Variants in GCG observed in about 807,000 individuals in gnomAD.
GCG encodes pro-glucagon.
Under a neutral mutation model 22.8 loss-of-function variants are expected in GCG, and 11 were observed. The ratio of observed to expected loss-of-function variants is 0.48; its 90% CI spans 0.30 to 0.80. GCG has a LOEUF of 0.80. GCG is among the 30% of genes least tolerant of loss of function. The pLI, the probability that GCG is intolerant of heterozygous loss-of-function variation, is 0.06. For synonymous variants in GCG, 89 were observed against 72.4 expected, an observed-to-expected ratio of 1.23 and a Z score of -1.16; for missense variants, 222 against 222.0, an observed-to-expected ratio of 1.00 and a Z score of 0.00.
chr2:162,146,569 T>TCC (rs1383804326), intron 3 of GCG, among the ~76,000 whole-genome samples: 2 of 134,574 alleles, frequency 1.5e-5, no homozygotes, highest in Admixed American at 7.0e-5. Flanking sequence ...TCTCTCTCTC[T>TCC]CTCTCCTTTC....
At chr2:162,151,308 A>G (rs1301833102) in intron 1 of GCG, among the ~76,000 whole-genome samples, 1 of 152,118 alleles carries the variant, frequency 6.6e-6, no homozygotes, top group African/African-American at 2.4e-5. Context: ...TAGTCCATAT[A>G]AATCCTTTTT....
chr2:162,150,476 A>C (rs544694622), intron 1 of GCG, among the ~76,000 whole-genome samples: 34 of 152,228 alleles, frequency 2.2e-4, no homozygotes, highest in Non-Finnish European at 4.1e-4. Flanking sequence ...TTTTTTGTAC[A>C]TTGAATGGAT....
At chr2:162,145,104 C>T (rs547562575) in intron 4 of GCG, 1 of 152,230 alleles carries the variant, frequency 6.6e-6, no homozygotes, top group Admixed American at 6.5e-5. Context: ...ATGTTGATCA[C>T]ATATGTAAAT....
intron 2 of GCG, among the ~76,000 whole-genome samples, chr2:162,148,773 G>A (rs1686759170): frequency 1.3e-5 from 2 of 152,094 alleles, no homozygotes; most frequent in South Asian, 2.1e-4. Flanking sequence ...AAGAGTTGGT[G>A]CGAATAATTG....
chr2:162,150,896 A>G (rs1436965967), intron 1 of GCG, among the ~76,000 whole-genome samples: 1 of 152,104 alleles, frequency 6.6e-6, no homozygotes, highest in Admixed American at 6.6e-5. Context: ...CATAAACCAC[A>G]TAAAGAAGTG....
intron 3 of GCG, 79 bp from the exon 4 acceptor site, chr2:162,145,756 G>A (rs953684370): frequency 3.2e-6 from 4 of 1,234,604 alleles, no homozygotes; most frequent in African/African-American, 1.5e-5. Context: ...TGGCAACTTT[G>A]GGTTCAGGAT....
intron 1 of GCG, among the ~76,000 whole-genome samples, chr2:162,150,726 G>C (rs746934642): frequency 6.6e-6 from 1 of 151,910 alleles, no homozygotes; most frequent in Non-Finnish European, 1.5e-5. Flanking sequence ...CTGTTGAAAA[G>C]TTTCTTGTAA....
intron 2 of GCG, among the ~76,000 whole-genome samples, chr2:162,148,155 G>A (rs1686740993): frequency 6.6e-6 from 1 of 152,140 alleles, no homozygotes; most frequent in Admixed American, 6.6e-5. Context: ...AGCAAAGCTT[G>A]AATGCTGAGG....
intron 1 of GCG, among the ~76,000 whole-genome samples, chr2:162,151,676 A>C (rs1686840958): frequency 1.3e-5 from 2 of 152,288 alleles, no homozygotes; most frequent in South Asian, 4.1e-4. Flanking sequence ...AATATTTGAA[A>C]GATGTTATTT....
intron 3 of GCG, among the ~76,000 whole-genome samples, chr2:162,145,983 A>G (rs1233748659): frequency 6.6e-6 from 1 of 152,162 alleles, no homozygotes; most frequent in Non-Finnish European, 1.5e-5. Flanking sequence ...TTCAGTCTCA[A>G]TGGATACAGG....
intron 4 of GCG, chr2:162,144,688 T>C (rs1686637476): frequency 1.3e-5 from 2 of 152,322 alleles, no homozygotes; most frequent in African/African-American, 4.8e-5. Flanking sequence ...AGTTTAATTA[T>C]TAATGTTTTA....
chr2:162,143,484 T>C, intron 5 of GCG, 114 bp from the exon 6 acceptor site: 1 of 500,930 alleles, frequency 2.0e-6, no homozygotes, highest in Non-Finnish European at 3.6e-6. Context: ...ATTAATCCCT[T>C]TGTCCATAAA....
intron 1 of GCG, among the ~76,000 whole-genome samples, chr2:162,151,042 A>C (rs1054340420): frequency 6.6e-6 from 1 of 152,130 alleles, no homozygotes; most frequent in Non-Finnish European, 1.5e-5. Flanking sequence ...TAATTGTTTG[A>C]ATACAATTGC....
chr2:162,147,592 A>C (rs1686722648), intron 2 of GCG, 78 bp from the exon 3 acceptor site: 3 of 1,211,460 alleles, frequency 2.5e-6, no homozygotes, highest in Non-Finnish European at 2.5e-6. Context: ...TCACTACAAA[A>C]TACAAGACCA....
rs772618221 is a variant in GCG, at chr2:162,143,992, T to G, written c.536+35A>C. On this transcript the variant is annotated intron_variant, in intron 5 of 5. Coordinates refer to ENST00000418842, the MANE Select transcript of GCG (RefSeq NM_002054.5). Reference sequence around the variant, plus strand: ...TATGACAATCAGTACTTATGAGAATTTGATGGTTTTCAGAATTAACTAAAA... The same window carrying G: ...TATGACAATCAGTACTTATGAGAATGTGATGGTTTTCAGAATTAACTAAAA... The G allele has an allele frequency of 5.1e-5, 81 of 1,594,998 alleles. No homozygotes were observed. The East Asian group carries it at 1.6e-3, about 32-fold the overall frequency.
intron 1 of GCG, 92 bp from the exon 2 acceptor site, chr2:162,149,279 T>A: frequency 1.4e-6 from 1 of 696,098 alleles, no homozygotes; most frequent in Non-Finnish European, 2.5e-6. Flanking sequence ...ACTAGATAAA[T>A]ATCATAAGTA....
At position 162,145,554 on chromosome 2, in the gene GCG, G is replaced by A. The variant is rs771838233; in HGVS notation, c.378C>T (p.Gly126=). Residue 126 remains glycine, a synonymous_variant, in exon 4 of 6, where the codon GGC becomes GGT. Transcript: ENST00000418842. ...TACAGACTTACTCTCGCCTTCCTCG[G>A]CCTTTCACCAGCCAAGCAATGAATT... ...AKEFIAWLVK[G]RGRRDFPEEV... The A allele has an allele frequency of 4.4e-6, 7 of 1,609,044 alleles. No homozygotes were observed. In the Admixed American group the frequency reaches 1.2e-4, roughly 27 times the overall value.
chr2:162,146,482 T>C (rs1686686066), intron 3 of GCG, among the ~76,000 whole-genome samples: 1 of 151,924 alleles, frequency 6.6e-6, no homozygotes. Context: ...CTGTACCCTC[T>C]ACTTTAAGAA....
intron 4 of GCG, 67 bp from the exon 5 acceptor site, chr2:162,144,237 AC>A: frequency 3.3e-6 from 4 of 1,206,272 alleles, no homozygotes; most frequent in South Asian, 2.4e-5. Context: ...CAGATTGTCT[AC>A]CACTGGTAAC....
Sources: gnomAD v4.1 joint callset for allele counts (sites outside exome capture counted in the v4.1 genomes callset) on GRCh38, gnomAD v4.1.1 for gene constraint, MANE v1.5 for transcripts, NCBI Gene and HGNC (gene_info 2026-07-23, HGNC 2026-07-21) for gene names.